GRIN2B: variants seen among roughly 807,000 people sequenced by gnomAD.
GRIN2B encodes glutamate ionotropic receptor NMDA type subunit 2B.
In GRIN2B, 5 loss-of-function variants were observed where a neutral mutation model predicts 114.5. The observed-to-expected ratio is 0.04, with a 90% CI of 0.02 to 0.09. GRIN2B has a LOEUF of 0.09. Among genes scored for constraint, GRIN2B ranks in the 10% least tolerant of loss-of-function variants. The probability of loss-of-function intolerance (pLI) is 1.00; values close to 1 mark genes in which losing one functional copy is unlikely to be tolerated. For missense variants in GRIN2B, 1,108 were observed against 1,943.5 expected (o/e 0.57, Z 8.08); for synonymous variants, 787 against 745.1 (o/e 1.06, Z -0.92).
intron 3 of GRIN2B, among the ~76,000 whole-genome samples, chr12:13,792,559 C>T (rs1326362546): frequency 6.6e-6 from 1 of 152,222 alleles, no homozygotes; most frequent in African/African-American, 2.4e-5. Context: ...CTCTCAAATA[C>T]TTCACCCCAG....
intron 3 of GRIN2B, among the ~76,000 whole-genome samples, chr12:13,821,061 T>C (rs1864925422): frequency 6.6e-6 from 1 of 151,982 alleles, no homozygotes; most frequent in Non-Finnish European, 1.5e-5. Context: ...CGAGAACCAC[T>C]CGATGTGCCT....
Position 13,615,351 on chromosome 12 carries a change from T to TTCTTTGTATA in GRIN2B, c.1501-94_1501-85dup. 16 of 1,486,108 alleles carry TTCTTTGTATA rather than the reference T, an allele frequency of 1.1e-5. No individual in the cohort carries two copies. The highest frequency in any genetic ancestry group is 1.5e-5 in the Non-Finnish European group (16 of 1,063,714). The allele number at this position is 1,486,108 out of a possible 1,614,324, so 92.1% of individuals were successfully genotyped here. ...AGGAAAATACAGCCTATCAGTGGTT[T>TTCTTTGTATA]TCTTTGTATAGTGGGAACAATACAT... On this transcript the variant is annotated intron_variant, in intron 7 of 13. Transcript: ENST00000609686. The surrounding 1 kb of genome is among the most constrained non-coding windows in gnomAD (Gnocchi z 5.8).
intron 3 of GRIN2B, among the ~76,000 whole-genome samples, chr12:13,824,423 T>C (rs1864993076): frequency 6.6e-6 from 1 of 152,350 alleles, no homozygotes; most frequent in African/African-American, 2.4e-5. Context: ...ATGGTTATAA[T>C]ATTCTTTTAT....
chr12:13,606,291 C>T (rs1949246616), intron 10 of GRIN2B, among the ~76,000 whole-genome samples: 1 of 152,172 alleles, frequency 6.6e-6, no homozygotes, highest in Admixed American at 6.5e-5. Flanking sequence ...ATGGTGACAT[C>T]CTCAGGCTGC....
chr12:13,714,417 G>T (rs570205806), intron 4 of GRIN2B, among the ~76,000 whole-genome samples: 2 of 151,876 alleles, frequency 1.3e-5, no homozygotes, highest in Non-Finnish European at 2.9e-5. Context: ...GAGAGAAATA[G>T]TTTCCCTAGG....
At chr12:13,932,996 T>TGTGC (rs1178103926) in intron 2 of GRIN2B, among the ~76,000 whole-genome samples, 89 of 131,868 alleles carry the variant, frequency 6.7e-4, no homozygotes, top group African/African-American at 2.7e-3. Context: ...TGCGTGTGCG[T>TGTGC]GTGTGTGTGT....
rs1294383670 is a variant in GRIN2B at position 13,551,733 on chromosome 12, C to T, written c.*11050G>A. On this transcript the variant is annotated 3_prime_UTR_variant, in exon 14 of 14. Transcript: ENST00000609686. ...TCAAATTCTGTGTAGTTGTGCTGTT[C>T]AGGTGAATATCTGAGAGCAAAGTAT... 6.6e-6 allele frequency: 1 copy of T among 152,112 alleles called. No homozygotes were observed. Among genetic ancestry groups the T allele is most frequent in the Non-Finnish European group, 1.5e-5 (1 of 68,016 alleles). 9.4% of individuals were successfully genotyped at this position (152,112 alleles called of 1,614,324 possible). A position where few individuals can be genotyped will look rare whatever the true frequency, so the allele number is the denominator to read the frequency against.
rs1454808853 is a variant in GRIN2B, at chr12:13,621,607, GTTTTTGTTTTT to G, written c.1126-4961_1126-4951del. On this transcript the variant is annotated intron_variant, in intron 5 of 13. Transcript: ENST00000609686. Reference sequence around the variant, plus strand: ...TTCAAGAGAAAAAAAAAATTGCCTAGTTTTTGTTTTTTTTTTTTTTTTTTTTTTTTTTTCAG... The same window carrying G: ...TTCAAGAGAAAAAAAAAATTGCCTAGTTTTTTTTTTTTTTTTTTTTTTCAG... Among the ~76,000 whole-genome samples the G allele has an allele frequency of 5.8e-4, 16 of 27,700 alleles. 2 individuals are homozygous for G. Among genetic ancestry groups the G allele is most frequent in the Non-Finnish European group, 9.5e-4 (13 of 13,672 alleles). 18.2% of individuals were successfully genotyped at this position (27,700 alleles called of 152,430 possible).
chr12:13,819,563 G>A (rs1288448571), intron 3 of GRIN2B, among the ~76,000 whole-genome samples: 4 of 152,166 alleles, frequency 2.6e-5, no homozygotes, highest in Admixed American at 2.6e-4. Flanking sequence ...GTAATAGCGT[G>A]TATTTACCAA....
intron 10 of GRIN2B, among the ~76,000 whole-genome samples, chr12:13,589,330 A>G (rs149170407): frequency 1.4e-3 from 208 of 152,300 alleles, no homozygotes; most frequent in African/African-American, 4.8e-3. Context: ...GTAGAATCCA[A>G]GTTGAACAAG....
rs146378284 is a variant in GRIN2B at position 13,937,351 on chromosome 12, A to G, written c.-19+42577T>C. On this transcript the variant is annotated intron_variant, in intron 2 of 13. Transcript: ENST00000609686. ...GGATAAATAAAGGGAATCAAACCTA[A>G]TTACATCATGAACTTCTGAAGACCT... Among the ~76,000 whole-genome samples, 1,036 of 152,178 alleles carry G rather than the reference A, an allele frequency of 6.8e-3. 15 individuals are homozygous for G. Among genetic ancestry groups the G allele is most frequent in the African/African-American group, 0.023 (972 of 41,556 alleles).
chr12:13,647,876 G>C (rs781622531), intron 5 of GRIN2B, among the ~76,000 whole-genome samples: 1 of 152,050 alleles, frequency 6.6e-6, no homozygotes, highest in African/African-American at 2.4e-5. Context: ...AATGAATCCC[G>C]CAGCTTCTCC....
At chr12:13,796,256 CT>C (rs1864417723) in intron 3 of GRIN2B, among the ~76,000 whole-genome samples, 1 of 152,140 alleles carries the variant, frequency 6.6e-6, no homozygotes, top group African/African-American at 2.4e-5. Context: ...ATGGCCTCTC[CT>C]GAAAACTTGA....
chr12:13,698,070 C>T (rs1432107967), intron 4 of GRIN2B, among the ~76,000 whole-genome samples: 2 of 152,222 alleles, frequency 1.3e-5, no homozygotes, highest in African/African-American at 4.8e-5. Flanking sequence ...ACTATTTCTT[C>T]CAGCTTCGGC....
In GRIN2B at chr12:13,753,649, G is replaced by A; in HGVS notation, c.678C>T (p.Pro226=). The A allele has an allele frequency of 6.2e-7, 1 of 1,614,178 alleles. No homozygotes were observed. The highest frequency in any genetic ancestry group is 1.1e-5 in the South Asian group (1 of 91,072). ...CCTTGGTACAGTAAAGAAGAATGAT[G>A]GGGCTTTGAAGTTTCTTGAGCTGAT... ...IQNQLKKLQS[P]IILLYCTKEE... The change falls in exon 4 of 14, where the codon CCC becomes CCT. Residue 226 remains proline (P), a synonymous_variant. Transcript: ENST00000609686. This position sits in a 1 kb window ranked among gnomAD's most constrained non-coding sequence, Gnocchi z 6.2.
At chr12:13,908,379 G>T (rs1444626687) in intron 2 of GRIN2B, among the ~76,000 whole-genome samples, 2 of 152,120 alleles carry the variant, frequency 1.3e-5, no homozygotes, top group African/African-American at 2.4e-5. Context: ...CATGCTAAGA[G>T]CATGGTTAGC....
rs1865675813 is a variant in GRIN2B, at chr12:13,857,183, A to G, written c.411+8615T>C. On this transcript the variant is annotated intron_variant, in intron 3 of 13. Coordinates refer to ENST00000609686, the MANE Select transcript of GRIN2B (RefSeq NM_000834.5). ...TGAAAAGAAGGAGACAAGGAGGGAGAATGAGCATCAAGGAAAGCTTTCATG... is the reference window on the plus strand; with the variant it reads ...TGAAAAGAAGGAGACAAGGAGGGAGGATGAGCATCAAGGAAAGCTTTCATG... Among the ~76,000 whole-genome samples, 3 of 152,296 alleles carry G rather than the reference A, an allele frequency of 2.0e-5. 1 individual carries two copies. In the South Asian group the frequency reaches 6.2e-4, roughly 32 times the overall value.
intron 3 of GRIN2B, among the ~76,000 whole-genome samples, chr12:13,856,884 C>T (rs1324148117): frequency 1.3e-5 from 2 of 152,158 alleles, no homozygotes; most frequent in Non-Finnish European, 2.9e-5. Flanking sequence ...CCTCCAGGCC[C>T]AAATCCAAGT....
intron 2 of GRIN2B, among the ~76,000 whole-genome samples, chr12:13,879,470 G>A (rs371161008): frequency 1.3e-5 from 2 of 150,950 alleles, no homozygotes; most frequent in Non-Finnish European, 2.9e-5. Context: ...AATATATAAC[G>A]TTAACTTTGT....
Sources: allele counts gnomAD v4.1 joint callset (sites outside exome capture counted in the v4.1 genomes callset), GRCh38; gene constraint gnomAD v4.1.1; non-coding constraint Gnocchi (gnomAD v3.1); transcripts MANE v1.5; gene names NCBI Gene and HGNC (gene_info 2026-07-23, HGNC 2026-07-21).